The following SORCS3 variants were observed in gnomAD, a reference collection of about 807,000 sequenced individuals.
The protein encoded by SORCS3 is VPS10 domain-containing receptor SorCS3.
Under a neutral mutation model 146.3 loss-of-function variants are expected in SORCS3, and 57 were observed. The ratio of observed to expected loss-of-function variants is 0.39; its 90% confidence interval spans 0.31 to 0.49. The LOEUF (loss-of-function observed/expected upper bound fraction) is 0.49, where lower values mean the gene tolerates loss of function less well. Among genes scored for constraint, SORCS3 ranks in the 20% least tolerant of loss-of-function variants. The pLI, the probability that SORCS3 is intolerant of heterozygous loss-of-function variation, is 0.92. For missense variants in SORCS3, 1,341 were observed against 1,575.5 expected (o/e 0.85, Z 2.52); for synonymous variants, 653 against 618.5 (o/e 1.06, Z -0.83).
chr10:105,260,824 T>C (rs1667803582), intron 25 of SORCS3, among the ~76,000 whole-genome samples: 1 of 152,202 alleles, frequency 6.6e-6, no homozygotes, highest in Non-Finnish European at 1.5e-5. Context: ...GTCCCAAGTT[T>C]CAGTGATATC....
At chr10:104,979,910 A>G (rs1335896897) in intron 4 of SORCS3, among the ~76,000 whole-genome samples, 3 of 152,080 alleles carry the variant, frequency 2.0e-5, no homozygotes, top group African/African-American at 7.2e-5. Flanking sequence ...AGAAGCTCAG[A>G]CCTCTTAAAG....
At chr10:105,164,490 A>T (rs1347985406) in intron 12 of SORCS3, 111 bp downstream of exon 12, 1 of 840,876 alleles carries the variant, frequency 1.2e-6, no homozygotes, top group African/African-American at 1.7e-5. Context: ...ATTTCAAAAC[A>T]TTTGAAGCAG....
intron 7 of SORCS3, among the ~76,000 whole-genome samples, chr10:105,125,536 A>T (rs1355878453): frequency 6.6e-6 from 1 of 152,094 alleles, no homozygotes; most frequent in Non-Finnish European, 1.5e-5. Flanking sequence ...TCCTCCTTAA[A>T]CAAGAAATAT....
chr10:105,048,028 G>A (rs1164203736), intron 5 of SORCS3, among the ~76,000 whole-genome samples: 1 of 152,054 alleles, frequency 6.6e-6, no homozygotes, highest in Admixed American at 6.6e-5. Flanking sequence ...AAAAAGTCAG[G>A]AAACAACAGG....
intron 1 of SORCS3, among the ~76,000 whole-genome samples, chr10:104,783,459 C>T (rs888280665): frequency 1.2e-4 from 19 of 152,152 alleles, no homozygotes; most frequent in Admixed American, 3.3e-4. Context: ...TGGGGCCGGG[C>T]GTGGTGGCTC....
intron 2 of SORCS3, among the ~76,000 whole-genome samples, chr10:104,856,855 T>G (rs2018340615): frequency 1.4e-5 from 2 of 145,114 alleles, no homozygotes; most frequent in Non-Finnish European, 3.0e-5. Flanking sequence ...AATATATATT[T>G]ATATATAAAT....
intron 1 of SORCS3, among the ~76,000 whole-genome samples, chr10:104,829,475 T>C (rs1259640118): frequency 6.6e-6 from 1 of 152,064 alleles, no homozygotes; most frequent in African/African-American, 2.4e-5. Flanking sequence ...ACGGGAAAGT[T>C]GAATAGGAGA....
intron 1 of SORCS3, among the ~76,000 whole-genome samples, chr10:104,834,801 A>G (rs1251771534): frequency 6.6e-6 from 1 of 151,658 alleles, no homozygotes. Flanking sequence ...GAAGCATGCT[A>G]TACATATTAG....
At chr10:105,021,719 C>T (rs1455280667) in intron 4 of SORCS3, among the ~76,000 whole-genome samples, 1 of 152,118 alleles carries the variant, frequency 6.6e-6, no homozygotes, top group Non-Finnish European at 1.5e-5. Context: ...TACCAGGAAG[C>T]CACCAGCTTT....
intron 4 of SORCS3, among the ~76,000 whole-genome samples, chr10:105,021,380 C>A (rs549756598): frequency 1.3e-5 from 2 of 152,130 alleles, no homozygotes; most frequent in Non-Finnish European, 2.9e-5. Context: ...CAAAACTTCC[C>A]ATTAGGCCCC....
intron 1 of SORCS3, among the ~76,000 whole-genome samples, chr10:104,814,164 G>C (rs767832622): frequency 2.0e-5 from 3 of 152,102 alleles, no homozygotes; most frequent in Non-Finnish European, 2.9e-5. Context: ...AAGACACAAG[G>C]GGGGAGTTAA....
chr10:105,051,275 A>G (rs1443894412), intron 5 of SORCS3, among the ~76,000 whole-genome samples: 2 of 152,102 alleles, frequency 1.3e-5, no homozygotes, highest in African/African-American at 4.8e-5. Context: ...TGGATTTTAG[A>G]CACCCGTGTC....
chr10:104,835,917 A>G (rs545153338), intron 1 of SORCS3, among the ~76,000 whole-genome samples: 56 of 152,314 alleles, frequency 3.7e-4, no homozygotes, highest in African/African-American at 1.3e-3. Flanking sequence ...TGAGCGTGGC[A>G]GGGAAAGTGT....
At chr10:105,148,296 T>A (rs2056146279) in intron 9 of SORCS3, among the ~76,000 whole-genome samples, 1 of 152,112 alleles carries the variant, frequency 6.6e-6, no homozygotes, top group African/African-American at 2.4e-5. Context: ...GATGCCGACA[T>A]CTATGCAGGG....
At chr10:104,950,900 T>C (rs1278563795) in intron 3 of SORCS3, among the ~76,000 whole-genome samples, 1 of 152,236 alleles carries the variant, frequency 6.6e-6, no homozygotes, top group Non-Finnish European at 1.5e-5. Flanking sequence ...ACTAAGAGGC[T>C]GGCCTCTAAA....
intron 2 of SORCS3, among the ~76,000 whole-genome samples, chr10:104,882,063 C>T (rs2018637889): frequency 6.6e-6 from 1 of 152,184 alleles, no homozygotes; most frequent in Non-Finnish European, 1.5e-5. Context: ...ATTTAGGAGG[C>T]AGAGTCTCCT....
intron 2 of SORCS3, among the ~76,000 whole-genome samples, chr10:104,911,115 CATAA>C (rs1391203190): frequency 6.6e-6 from 1 of 152,248 alleles, no homozygotes; most frequent in African/African-American, 2.4e-5. Flanking sequence ...GTTCTGCCAG[CATAA>C]ATGTCTCTGG....
intron 1 of SORCS3, among the ~76,000 whole-genome samples, chr10:104,701,140 A>G (rs957969361): frequency 2.0e-5 from 3 of 152,174 alleles, no homozygotes; most frequent in Admixed American, 1.3e-4. Flanking sequence ...CCTCTCTGGA[A>G]AACAATCTGG....
chr10:104,720,336 A>G (rs1483643108), intron 1 of SORCS3, among the ~76,000 whole-genome samples: 1 of 152,204 alleles, frequency 6.6e-6, no homozygotes, highest in Non-Finnish European at 1.5e-5. Context: ...ATAGTATTCC[A>G]TGGTGTATAT....
Sources: allele counts gnomAD v4.1 joint callset (sites outside exome capture counted in the v4.1 genomes callset), GRCh38; gene constraint gnomAD v4.1.1; transcripts MANE v1.5; gene names NCBI Gene and HGNC (gene_info 2026-07-23, HGNC 2026-07-21).